SPACA6: variants seen among roughly 807,000 people sequenced by gnomAD.
SPACA6 encodes sperm acrosome membrane-associated protein 6.
For synonymous variants in SPACA6, 6 were observed against 1.5 expected (o/e 4.05, Z -2.21); for missense variants, 8 against 2.8 (o/e 2.88, Z -1.34).
chr19:51,698,877 C>A (rs2122211682), intron 2 of SPACA6, among the ~76,000 whole-genome samples: 1 of 151,906 alleles, frequency 6.6e-6, no homozygotes, highest in Non-Finnish European at 1.5e-5. Context: ...ATCCAAGCTC[C>A]TTCAAGACTT....
At chr19:51,697,902 C>T (rs997315078) in intron 2 of SPACA6, among the ~76,000 whole-genome samples, 17 of 152,258 alleles carry the variant, frequency 1.1e-4, no homozygotes, top group African/African-American at 3.4e-4. Context: ...CCCATGCCTC[C>T]GTTTCCCCAC....
chr19:51,704,250 T>A lies in SPACA6; in HGVS notation c.731-20T>A, dbSNP rs1343382267. On this transcript the variant is annotated intron_variant, in intron 7 of 8. Transcript: ENST00000637797. ...GAGAGGGGTGGGGCTCGTGCCTGGC[T>A]GACGTGCGCGCCCCCGCAGTGACGG... 1.2e-5 allele frequency: 5 copies of A among 400,562 alleles called. No homozygotes were observed. The highest frequency in any genetic ancestry group is 1.8e-5 in the Non-Finnish European group (4 of 225,942). The allele number at this position is 400,562 out of a possible 1,614,324, so 24.8% of individuals were successfully genotyped here.
downstream of SPACA6, among the ~76,000 whole-genome samples, chr19:51,709,432 G>C (rs757506740): frequency 1.3e-5 from 2 of 150,328 alleles, no homozygotes; most frequent in Admixed American, 1.3e-4. Context: ...CAGGAGAACT[G>C]CTTGAACCCG....
In SPACA6 at chr19:51,703,927, A is replaced by T; in HGVS notation, c.574-103A>T. 1 of 391,764 alleles carries T rather than the reference A, an allele frequency of 2.6e-6. No homozygotes were observed. Among genetic ancestry groups the T allele is most frequent in the Admixed American group, 4.5e-5 (1 of 22,166 alleles). 24.3% of individuals were successfully genotyped at this position (391,764 alleles called of 1,614,324 possible). A position where few individuals can be genotyped will look rare whatever the true frequency, so the allele number is the denominator to read the frequency against. On this transcript the variant is annotated intron_variant, in intron 6 of 8. Coordinates refer to ENST00000637797, the MANE Select transcript of SPACA6 (RefSeq NM_001316972.2). This position sits in a 1 kb window ranked among gnomAD's most constrained non-coding sequence, Gnocchi z 4.2. ...AGGCTCGGGGGCGGGCTCAAGGCTC[A>T]GGGCCAGGACTCCAGGGGGCGTGGT...
chr19:51,699,174 AT>A (rs1188873572), intron 2 of SPACA6, among the ~76,000 whole-genome samples: 1 of 152,130 alleles, frequency 6.6e-6, no homozygotes, highest in Non-Finnish European at 1.5e-5. Context: ...CACCTGGCTA[AT>A]TTATAAAAAT....
chr19:51,693,242 C>T (rs753472633), upstream of SPACA6: 2 of 679,904 alleles, frequency 2.9e-6, no homozygotes, highest in South Asian at 1.5e-5. Flanking sequence ...ACCGGGCCAC[C>T]GCACACCATG....
intron 2 of SPACA6, among the ~76,000 whole-genome samples, chr19:51,694,760 G>C (rs1037988420): frequency 7.2e-5 from 11 of 152,340 alleles, no homozygotes; most frequent in African/African-American, 2.6e-4. Flanking sequence ...AAGGTGGTGA[G>C]GGGGAAGGGA....
At chr19:51,701,794 C>T (rs1194531854) in intron 3 of SPACA6, 68 bp downstream of exon 3, 2 of 393,902 alleles carry the variant, frequency 5.1e-6, no homozygotes, top group Admixed American at 4.4e-5. Flanking sequence ...CACTTTTGGC[C>T]GGGGATGGTG....
intron 1 of SPACA6, chr19:51,693,982 G>T (rs113291487): frequency 7.1e-5 from 21 of 296,844 alleles, no homozygotes; most frequent in Middle Eastern, 7.7e-4. Flanking sequence ...ACTCAGAGAG[G>T]GGGAGGATGG....
upstream of SPACA6, chr19:51,689,309 G>T (rs1025382141): frequency 2.0e-5 from 3 of 152,072 alleles, no homozygotes; most frequent in Non-Finnish European, 4.4e-5. Flanking sequence ...CGGGGCGGGG[G>T]GCCCCCTGGG....
chr19:51,699,864 T>C (rs1303248481), intron 2 of SPACA6, among the ~76,000 whole-genome samples: 1 of 152,198 alleles, frequency 6.6e-6, no homozygotes, highest in Non-Finnish European at 1.5e-5. Context: ...GCCACATTAC[T>C]GATTTCCACA....
upstream of SPACA6, among the ~76,000 whole-genome samples, chr19:51,690,875 A>C (rs1600130455): frequency 7.3e-6 from 1 of 136,486 alleles, no homozygotes; most frequent in African/African-American, 2.6e-5. Context: ...CATGCTGGGA[A>C]CCCAGGCCTG....
At chr19:51,692,049 T>C (rs2083378367), upstream of SPACA6, among the ~76,000 whole-genome samples, 1 of 151,760 alleles carries the variant, frequency 6.6e-6, no homozygotes, top group Non-Finnish European at 1.5e-5. The surrounding 1 kb of genome is among the most constrained non-coding windows in gnomAD (Gnocchi z 5.6). Context: ...GCTGGGAGAT[T>C]GTGGCTGTCA....
chr19:51,692,306 C>T (rs1169447731), upstream of SPACA6, among the ~76,000 whole-genome samples: 1 of 151,524 alleles, frequency 6.6e-6, no homozygotes, highest in African/African-American at 2.4e-5. This position sits in a 1 kb window ranked among gnomAD's most constrained non-coding sequence, Gnocchi z 5.6. Flanking sequence ...CCTGCCTGGC[C>T]GGAGGGAGGA....
At chr19:51,700,847 TAGG>T (rs1221745223) in intron 2 of SPACA6, among the ~76,000 whole-genome samples, 6 of 152,108 alleles carry the variant, frequency 3.9e-5, no homozygotes, top group South Asian at 2.1e-4. Context: ...GAAGGATGAT[TAGG>T]AGAAGGAAAA....
At chr19:51,712,159 A>C (rs1268965424) in exon 3 of SPACA6, 4 of 152,098 alleles carry the variant, frequency 2.6e-5, no homozygotes, top group Non-Finnish European at 5.9e-5. Flanking sequence ...TTACAGGCAC[A>C]TGCCACCATG....
upstream of SPACA6, among the ~76,000 whole-genome samples, chr19:51,690,314 C>A (rs1480162705): frequency 6.6e-6 from 1 of 152,076 alleles, no homozygotes; most frequent in East Asian, 1.9e-4. Context: ...CTTCAAAACC[C>A]CAGAGTTCAG....
chr19:51,709,812 G>A (rs1440365261), downstream of SPACA6, among the ~76,000 whole-genome samples: 2 of 152,144 alleles, frequency 1.3e-5, no homozygotes, highest in Admixed American at 6.5e-5. Context: ...ACAAGGTCGT[G>A]AGGAGCAGTG....
chr19:51,713,138 T>C (rs530843160), downstream of SPACA6: 185 of 379,196 alleles, frequency 4.9e-4, 2 homozygotes, highest in African/African-American at 3.7e-3. This position sits in a 1 kb window ranked among gnomAD's most constrained non-coding sequence, Gnocchi z 4.5. Context: ...CTTTATTACA[T>C]CCTGATCACA....
Sources: gnomAD v4.1 joint callset for allele counts (sites outside exome capture counted in the v4.1 genomes callset) on GRCh38, gnomAD v4.1.1 for gene constraint, Gnocchi (gnomAD v3.1) non-coding constraint, MANE v1.5 for transcripts, NCBI Gene and HGNC (gene_info 2026-07-23, HGNC 2026-07-21) for gene names.